The following PPARGC1A variants were observed in gnomAD, a reference collection of about 807,000 sequenced individuals.
PPARGC1A encodes the protein peroxisome proliferator-activated receptor gamma coactivator 1-alpha.
A neutral mutation model predicts 88.7 loss-of-function variants in PPARGC1A; 25 were observed. The ratio of observed to expected loss-of-function variants is 0.28; its 90% CI spans 0.21 to 0.39. The LOEUF is 0.39. Ranked by LOEUF, PPARGC1A falls within the 10% of genes least tolerant of loss-of-function variation. PPARGC1A has a pLI of 1.00. For synonymous variants in PPARGC1A, 363 were observed against 355.6 expected (o/e 1.02, Z -0.24); for missense variants, 880 against 968.7 (o/e 0.91, Z 1.22).
chr4:23,831,722 C>A lies in PPARGC1A; in HGVS notation c.264G>T (p.Leu88Phe). The A allele has an allele frequency of 6.2e-7, 1 of 1,613,664 alleles. No homozygotes were observed. Among genetic ancestry groups the A allele is most frequent in the Non-Finnish European group, 8.5e-7 (1 of 1,179,638 alleles). Residue 88 changes from leucine to phenylalanine, a missense_variant, in exon 3 of 13, where the codon TTG (leucine) becomes TTT (phenylalanine). Leu to Phe is a conservative substitution (Grantham distance 22). Transcript: ENST00000264867. ...EKIDEENEAN[L>F]LAVLTETLDS... ...CTAGTGTCTCTGTGAGGACTGCTAG[C>A]AAGTTTGCCTCATTCTCTTCATCTA...
At chr4:24,012,059 C>G in the PPARGC1A span, among the ~76,000 whole-genome samples, 1 of 152,096 alleles carries the variant, frequency 6.6e-6, no homozygotes, top group African/African-American at 2.4e-5. Flanking sequence ...TTGTATACTC[C>G]CGGCCTCCTC....
At position 23,814,164 on chromosome 4, in the gene PPARGC1A, G is replaced by A; in HGVS notation, c.1319C>T (p.Ala440Val). 5 of 1,614,054 alleles carry A rather than the reference G, an allele frequency of 3.1e-6. No individual in the cohort carries two copies. Among genetic ancestry groups the A allele is most frequent in the Non-Finnish European group, 4.2e-6 (5 of 1,179,980 alleles). The change falls in exon 8 of 13, where the codon GCA becomes GTA. Residue 440 changes from alanine to valine, a missense_variant. Ala to Val is a moderately conservative substitution (Grantham distance 64). Coordinates refer to ENST00000264867, the MANE Select transcript of PPARGC1A (RefSeq NM_013261.5). ...DQCYLRETLE[A>V]SKQVSPCSTR... ...GCTGCAAGGAGAGACCTGCTTGCTT[G>A]CCTCCAAAGTCTCTCTCAGGTAGCA...
the PPARGC1A span, among the ~76,000 whole-genome samples, chr4:24,258,936 G>T: frequency 6.6e-6 from 1 of 152,030 alleles, no homozygotes; most frequent in African/African-American, 2.4e-5. Flanking sequence ...CTTCTTGGAG[G>T]ACACAAAAAT....
At chr4:23,941,636 C>T in the PPARGC1A span, among the ~76,000 whole-genome samples, 10 of 152,082 alleles carry the variant, frequency 6.6e-5, no homozygotes, top group African/African-American at 2.4e-4. Context: ...TCAGAGGGCA[C>T]CTAGTGTTGC....
chr4:24,471,113 C>T, the PPARGC1A span, among the ~76,000 whole-genome samples: 30 of 151,792 alleles, frequency 2.0e-4, no homozygotes, highest in East Asian at 5.9e-3. This position sits in a 1 kb window ranked among gnomAD's most constrained non-coding sequence, Gnocchi z 5.4. Flanking sequence ...CCGCGGAGGC[C>T]AGGCGAGCCG....
chr4:24,363,361 T>C, the PPARGC1A span, among the ~76,000 whole-genome samples: 1 of 152,216 alleles, frequency 6.6e-6, no homozygotes, highest in Non-Finnish European at 1.5e-5. Context: ...CTAATTACTA[T>C]TGAATTATAG....
At chr4:24,439,267 G>A in the PPARGC1A span, among the ~76,000 whole-genome samples, 1 of 152,164 alleles carries the variant, frequency 6.6e-6, no homozygotes, top group Admixed American at 6.5e-5. Context: ...CTAAGGAAAG[G>A]CTCAGGTGAG....
chr4:24,319,914 G>A, the PPARGC1A span, among the ~76,000 whole-genome samples: 2 of 151,690 alleles, frequency 1.3e-5, no homozygotes, highest in Non-Finnish European at 2.9e-5. Flanking sequence ...CTTCATATTT[G>A]TTGCTCAAAA....
the PPARGC1A span, among the ~76,000 whole-genome samples, chr4:23,989,214 G>A: frequency 2.0e-5 from 3 of 151,828 alleles, no homozygotes; most frequent in Admixed American, 6.6e-5. Flanking sequence ...TTGGGGTGAA[G>A]TTTTCTTTTA....
chr4:24,437,032 G>A, the PPARGC1A span, among the ~76,000 whole-genome samples: 3 of 152,372 alleles, frequency 2.0e-5, no homozygotes, highest in East Asian at 5.8e-4. Flanking sequence ...ATGTGATCGT[G>A]TTTGTTCCTC....
At chr4:24,023,570 T>C in the PPARGC1A span, among the ~76,000 whole-genome samples, 1 of 152,172 alleles carries the variant, frequency 6.6e-6, no homozygotes, top group Non-Finnish European at 1.5e-5. Context: ...AGAAAACATA[T>C]ACTCCTGGGG....
the PPARGC1A span, among the ~76,000 whole-genome samples, chr4:24,339,214 A>T: frequency 2.2e-5 from 1 of 44,782 alleles, no homozygotes; most frequent in Non-Finnish European, 5.4e-5. Flanking sequence ...GTGTGTGTGT[A>T]TATATATATA....
At chr4:23,929,243 A>C in the PPARGC1A span, among the ~76,000 whole-genome samples, 1 of 152,254 alleles carries the variant, frequency 6.6e-6, no homozygotes, top group Admixed American at 6.5e-5. Flanking sequence ...ACACCAGTCT[A>C]TAAAGGACGC....
the PPARGC1A span, among the ~76,000 whole-genome samples, chr4:24,099,726 G>T: frequency 6.6e-6 from 1 of 152,126 alleles, no homozygotes; most frequent in Non-Finnish European, 1.5e-5. Flanking sequence ...GTAAGTTGGG[G>T]AGGGGATGTG....
At chr4:23,918,272 G>A in the PPARGC1A span, among the ~76,000 whole-genome samples, 4 of 151,680 alleles carry the variant, frequency 2.6e-5, no homozygotes, top group African/African-American at 9.7e-5. Flanking sequence ...GCTCAGTCTG[G>A]AGTGCAGTGG....
At chr4:23,810,062 G>A (rs1020663212) in intron 10 of PPARGC1A, among the ~76,000 whole-genome samples, 1 of 152,106 alleles carries the variant, frequency 6.6e-6, no homozygotes, top group African/African-American at 2.4e-5. Flanking sequence ...CCAACCAAAT[G>A]GCAAATATTT....
In PPARGC1A at chr4:23,795,242, GTGGTTGGTTGGT is replaced by G. The variant is rs573349253; in HGVS notation, c.*568_*579del. 6.7e-6 allele frequency: 1 copy of G among 149,014 alleles called. No individual in the cohort carries two copies. Among genetic ancestry groups the G allele is most frequent in the African/African-American group, 2.5e-5 (1 of 40,384 alleles). The allele number at this position is 149,014 out of a possible 1,614,324, so 9.2% of individuals were successfully genotyped here. A position where few individuals can be genotyped will look rare whatever the true frequency, so the allele number is the denominator to read the frequency against. ...AGCGGCTGTCATTTTAGGGTGGTTT[GTGGTTGGTTGGT>G]TGGTTGGTTGGTTGTTAGTTTTCTT... On this transcript the variant is annotated 3_prime_UTR_variant, in exon 13 of 13. Transcript: ENST00000264867.
rs1380143104 is a variant in PPARGC1A at position 23,813,067 on chromosome 4, A to G, written c.1852T>C (p.Leu618=). 1 of 1,613,978 alleles carries G rather than the reference A, an allele frequency of 6.2e-7. No individual in the cohort carries two copies. The highest frequency in any genetic ancestry group is 8.5e-7 in the Non-Finnish European group (1 of 1,179,988). The change falls in exon 9 of 13, where the codon TTG becomes CTG. Residue 618 remains leucine (L), a synonymous_variant. Transcript: ENST00000264867. Reference sequence around the variant, plus strand: ...GATCTTGAACGTGATCTCACATACAAGGGAGAATTTCGGTGCGTGCGGTGT... The same window carrying G: ...GATCTTGAACGTGATCTCACATACAGGGGAGAATTTCGGTGCGTGCGGTGT... ...YRHRTHRNSP[L]YVRSRSRSPY... is the part of the protein sequence containing the mutation.
the PPARGC1A span, among the ~76,000 whole-genome samples, chr4:24,424,199 T>C: frequency 6.7e-6 from 1 of 150,340 alleles, no homozygotes; most frequent in South Asian, 2.1e-4. Flanking sequence ...GCCTCTGTGG[T>C]TATGCCAATT....
Sources: gnomAD v4.1 joint callset for allele counts (sites outside exome capture counted in the v4.1 genomes callset) on GRCh38, gnomAD v4.1.1 for gene constraint, Gnocchi (gnomAD v3.1) non-coding constraint, MANE v1.5 for transcripts, NCBI Gene and HGNC (gene_info 2026-07-23, HGNC 2026-07-21) for gene names.